Variants in CACNA1I observed in about 807,000 individuals in gnomAD.
The protein encoded by CACNA1I is voltage-dependent T-type calcium channel subunit alpha-1I.
CACNA1I carries 74 observed loss-of-function variants against 201.6 expected under a neutral mutation model. That is an observed-to-expected ratio of 0.37 (90% CI 0.30 to 0.45). The LOEUF (loss-of-function observed/expected upper bound fraction) is 0.45. Among genes scored for constraint, CACNA1I ranks in the 20% least tolerant of loss-of-function variants. The pLI is 1.00. For missense variants in CACNA1I, 2,346 were observed against 3,138.1 expected, an observed-to-expected ratio of 0.75 and a Z score of 6.03; for synonymous variants, 1,431 against 1,345.2, an observed-to-expected ratio of 1.06 and a Z score of -1.40.
At chr22:39,601,238 T>G (rs1933020292) in intron 3 of CACNA1I, among the ~76,000 whole-genome samples, 1 of 152,178 alleles carries the variant, frequency 6.6e-6, no homozygotes, top group African/African-American at 2.4e-5. Context: ...TGCTCCCCAG[T>G]GTTGGCGCCG....
In CACNA1I at chr22:39,665,407, G is replaced by C; in HGVS notation, c.3852-91G>C. On this transcript the variant is annotated intron_variant, in intron 21 of 36. Coordinates refer to ENST00000402142, the MANE Select transcript of CACNA1I (RefSeq NM_021096.4). This position sits in a 1 kb window ranked among gnomAD's most constrained non-coding sequence, Gnocchi z 5.5. ...TGAGCCCTGGGGACTCATGCCCTGG[G>C]ATACTCAGCCCTGGTGACTCTGGGC... 1 of 1,489,568 alleles carries C rather than the reference G, an allele frequency of 6.7e-7. No homozygotes were observed. The highest frequency in any genetic ancestry group is 1.2e-5 in the South Asian group (1 of 82,254). 92.3% of individuals were successfully genotyped at this position (1,489,568 alleles called of 1,614,324 possible).
At chr22:39,591,239 A>C (rs1951936943) in intron 1 of CACNA1I, among the ~76,000 whole-genome samples, 1 of 148,798 alleles carries the variant, frequency 6.7e-6, no homozygotes, top group Non-Finnish European at 1.5e-5. Flanking sequence ...AGCTCACTGC[A>C]ACCTCCTCAC....
At chr22:39,653,887 T>A (rs1444598118) in intron 10 of CACNA1I, among the ~76,000 whole-genome samples, 2 of 152,176 alleles carry the variant, frequency 1.3e-5, no homozygotes, top group African/African-American at 2.4e-5. Flanking sequence ...AGGTAGGGTG[T>A]AGGCCAGGCA....
At chr22:39,673,589 G>A (rs1410018934) in intron 28 of CACNA1I, among the ~76,000 whole-genome samples, 2 of 152,226 alleles carry the variant, frequency 1.3e-5, no homozygotes, top group African/African-American at 2.4e-5. Flanking sequence ...GAAACTCAGC[G>A]AGTGATGCCA....
At chr22:39,673,240 T>C (rs738315) in intron 28 of CACNA1I, among the ~76,000 whole-genome samples, 158 bp downstream of exon 28, 80,127 of 151,612 alleles carry the variant, frequency 0.53, 22,029 homozygotes, top group East Asian at 0.96. Flanking sequence ...GAGAAGGAGC[T>C]GGGAGGCACA....
Position 39,679,728 on chromosome 22 carries a change from C to G in CACNA1I, c.5401C>G (p.Leu1801Val). The G allele has an allele frequency of 1.2e-6, 2 of 1,611,904 alleles. No homozygotes were observed. Among genetic ancestry groups the G allele is most frequent in the Non-Finnish European group, 1.7e-6 (2 of 1,179,152 alleles). Residue 1801 changes from leucine to valine, a missense_variant, in exon 33 of 37, where the codon CTG (leucine) becomes GTG (valine). Transcript: ENST00000402142. Reference sequence around the variant, plus strand: ...CCCGTCCCCGTCCGCCTAGGAGAACCTGTGGCTGGACAGCGTCTCTTTAAT... The same window carrying G: ...CCCGTCCCCGTCCGCCTAGGAGAACGTGTGGCTGGACAGCGTCTCTTTAAT... ...RRCYSPAQEN[L>V]WLDSVSLIIK...
At chr22:39,620,630 A>C (rs1184150890) in intron 4 of CACNA1I, among the ~76,000 whole-genome samples, 1 of 152,162 alleles carries the variant, frequency 6.6e-6, no homozygotes, top group East Asian at 1.9e-4. Context: ...CAAAGGCTGG[A>C]GTCAGTTAGG....
chr22:39,583,698 T>C (rs1932656118), intron 1 of CACNA1I, among the ~76,000 whole-genome samples: 1 of 152,270 alleles, frequency 6.6e-6, no homozygotes, highest in South Asian at 2.1e-4. Flanking sequence ...TCCACATTTC[T>C]CATCCATTCT....
chr22:39,640,901 C>A lies in CACNA1I; in HGVS notation c.775C>A (p.Pro259Thr). Residue 259 changes from proline to threonine, a missense_variant, in exon 6 of 37, where the codon CCG becomes ACG. Physicochemically the swap from Pro to Thr is conservative, Grantham distance 38 (BLOSUM62 -1). Transcript: ENST00000402142. ...GDVALPPYYQ[P>T]EEDDEMPFIC... ...TGTGGCCTTGCCCCCATACTACCAG[C>A]CGGAGGAGGATGATGAGATGCCCTT... 2 of 1,613,682 alleles carry A rather than the reference C, an allele frequency of 1.2e-6. No individual in the cohort carries two copies. The highest frequency in any genetic ancestry group is 1.7e-6 in the Non-Finnish European group (2 of 1,179,716).
chr22:39,672,939 G>T lies in CACNA1I; in HGVS notation c.4650-10G>T, dbSNP rs758559218. 1.2e-6 allele frequency: 2 copies of T among 1,611,128 alleles called. No homozygotes were observed. Among genetic ancestry groups the T allele is most frequent in the Admixed American group, 3.3e-5 (2 of 59,810 alleles). On this transcript the variant is annotated splice_polypyrimidine_tract_variant and intron_variant, in intron 27 of 36. Coordinates refer to ENST00000402142, the MANE Select transcript of CACNA1I (RefSeq NM_021096.4). ...TGCCCACTCCTGCCCTCCCATGCAC[G>T]GCTGAGCAGATGGAACCAGCTGGAC... is the stretch of plus-strand genomic sequence containing the variant.
chr22:39,612,682 C>T (rs1933419749), intron 3 of CACNA1I, among the ~76,000 whole-genome samples: 3 of 152,214 alleles, frequency 2.0e-5, no homozygotes, highest in Admixed American at 2.0e-4. Context: ...CTAATACCAT[C>T]ACCTTGGGGG....
chr22:39,613,113 C>T (rs777744101), intron 3 of CACNA1I, among the ~76,000 whole-genome samples: 2 of 152,228 alleles, frequency 1.3e-5, no homozygotes, highest in African/African-American at 2.4e-5. Flanking sequence ...ATCTCCTGGG[C>T]GGGGTATTTC....
intron 5 of CACNA1I, among the ~76,000 whole-genome samples, chr22:39,637,666 G>A (rs1354231076): frequency 6.6e-6 from 1 of 152,158 alleles, no homozygotes; most frequent in Non-Finnish European, 1.5e-5. Flanking sequence ...TCACTCAGCG[G>A]AATACTCACA....
chr22:39,639,575 C>A (rs1934302765), intron 5 of CACNA1I, among the ~76,000 whole-genome samples: 1 of 152,046 alleles, frequency 6.6e-6, no homozygotes, highest in Non-Finnish European at 1.5e-5. Context: ...AGTGTGCAAT[C>A]AATATAACAA....
chr22:39,664,169 G>A lies in CACNA1I; in HGVS notation c.3666+10G>A, dbSNP rs768717412. The A allele has an allele frequency of 1.2e-5, 19 of 1,609,766 alleles. No homozygotes were observed. Among genetic ancestry groups the A allele is most frequent in the Middle Eastern group, 1.7e-4 (1 of 6,056 alleles). On this transcript the variant is annotated intron_variant, in intron 20 of 36. Coordinates refer to ENST00000402142, the MANE Select transcript of CACNA1I (RefSeq NM_021096.4). ...CGAGATGACATTGAAGGTAGCTCCC[G>A]GTTTCACCCGGGACCCCTGCTAGCC... is the stretch of plus-strand genomic sequence containing the variant.
chr22:39,677,592 C>T lies in CACNA1I; in HGVS notation c.4933+173C>T, dbSNP rs960692957. On this transcript the variant is annotated intron_variant, in intron 30 of 36. Coordinates refer to ENST00000402142, the MANE Select transcript of CACNA1I (RefSeq NM_021096.4). This position sits in a 1 kb window ranked among gnomAD's most constrained non-coding sequence, Gnocchi z 4.8. ...TGGTCTCCCAGGAAAACTGCCCTCCCTACCCCGGTGTTGGTGCCTGTCCTG... is the reference window on the plus strand; with the variant it reads ...TGGTCTCCCAGGAAAACTGCCCTCCTTACCCCGGTGTTGGTGCCTGTCCTG... Among the ~76,000 whole-genome samples, 2 of 152,192 alleles carry T rather than the reference C, an allele frequency of 1.3e-5. No homozygotes were observed. Among genetic ancestry groups the T allele is most frequent in the African/African-American group, 4.8e-5 (2 of 41,456 alleles).
chr22:39,662,296 C>T lies in CACNA1I; in HGVS notation c.3233C>T (p.Pro1078Leu), dbSNP rs1935047895. 2 of 1,501,272 alleles carry T rather than the reference C, an allele frequency of 1.3e-6. No individual in the cohort carries two copies. The highest frequency in any genetic ancestry group is 1.3e-5 in the South Asian group (1 of 78,908). 93.0% of individuals were successfully genotyped at this position (1,501,272 alleles called of 1,614,324 possible). A position where few individuals can be genotyped will look rare whatever the true frequency, so the allele number is the denominator to read the frequency against. ...CTGGTGCCCGCGGTGGGCGCCCACCCCCGGGCCGCCTGGAGGGCGGCAGGC... is the reference window on the plus strand; with the variant it reads ...CTGGTGCCCGCGGTGGGCGCCCACCTCCGGGCCGCCTGGAGGGCGGCAGGC... The part of the protein sequence containing the change: ...AELVPAVGAH[P>L]RAAWRAAGPA... The change falls in exon 17 of 37, where the codon CCC becomes CTC. Residue 1078 changes from proline to leucine, a missense_variant. Around this residue, in one of 13 missense-constraint regions of CACNA1I, gnomAD observed 288 missense variants for 255.2 expected, o/e 1.13. Transcript: ENST00000402142.
rs1453607386 is a variant in CACNA1I at position 39,649,974 on chromosome 22, C to T, written c.1992+49C>T. 2.5e-6 allele frequency: 4 copies of T among 1,591,352 alleles called. No homozygotes were observed. The highest frequency in any genetic ancestry group is 3.4e-6 in the Non-Finnish European group (4 of 1,161,990). On this transcript the variant is annotated intron_variant, in intron 10 of 36. Coordinates refer to ENST00000402142, the MANE Select transcript of CACNA1I (RefSeq NM_021096.4). The surrounding 1 kb of genome is among the most constrained non-coding windows in gnomAD (Gnocchi z 7.3). ...GGCCTGCGGGAGAGGTGTGAGGGCC[C>T]CAGGACCCTGCCCAGGCCTGGGCAG...
At chr22:39,625,795 C>G (rs1467121585) in intron 4 of CACNA1I, among the ~76,000 whole-genome samples, 1 of 152,164 alleles carries the variant, frequency 6.6e-6, no homozygotes, top group Non-Finnish European at 1.5e-5. Flanking sequence ...CTCTCTGGGC[C>G]TTGGCAAGAT....
Sources: gnomAD v4.1 joint callset for allele counts (sites outside exome capture counted in the v4.1 genomes callset) on GRCh38, gnomAD v4.1.1 for gene constraint, gnomAD v4.1.1 regional missense constraint, Gnocchi (gnomAD v3.1) non-coding constraint, MANE v1.5 for transcripts, NCBI Gene and HGNC (gene_info 2026-07-23, HGNC 2026-07-21) for gene names.